Variants in SPATA1 observed in about 807,000 individuals in gnomAD.
The protein encoded by SPATA1 is spermatogenesis associated 1.
Under a neutral mutation model 59.6 loss-of-function variants are expected in SPATA1, and 57 were observed. The observed-to-expected ratio is 0.96, with a 90% confidence interval of 0.77 to 1.19. The LOEUF (loss-of-function observed/expected upper bound fraction) is 1.19. Among genes scored for constraint, SPATA1 ranks in the 50% most tolerant of loss-of-function variants. SPATA1 has a pLI of 0.00. For synonymous variants in SPATA1, 147 were observed against 163.9 expected (o/e 0.90, Z 0.79); for missense variants, 448 against 480.7 (o/e 0.93, Z 0.64).
chr1:84,509,451 A>G (rs956713643), intron 1 of SPATA1, among the ~76,000 whole-genome samples: 4 of 152,250 alleles, frequency 2.6e-5, no homozygotes, highest in Non-Finnish European at 5.9e-5. Context: ...TAAGACCTCA[A>G]ACTATGAAAC....
chr1:84,540,591 G>T (rs907208472), intron 8 of SPATA1, among the ~76,000 whole-genome samples: 15 of 152,110 alleles, frequency 9.9e-5, no homozygotes, highest in Admixed American at 2.6e-4. Context: ...TGTTCACGTA[G>T]TCTTATACCC....
intron 8 of SPATA1, among the ~76,000 whole-genome samples, chr1:84,540,669 A>G (rs7516200): frequency 0.4 from 60,986 of 152,070 alleles, 14,784 homozygotes; most frequent in African/African-American, 0.68. Flanking sequence ...TTATTTTGCA[A>G]AAGATTTTTC....
At chr1:84,529,412 C>G (rs1386118870) in intron 6 of SPATA1, among the ~76,000 whole-genome samples, 1 of 151,954 alleles carries the variant, frequency 6.6e-6, no homozygotes, top group African/African-American at 2.4e-5. Context: ...AAATTAATAA[C>G]TGTCTTAACA....
At chr1:84,557,707 A>C (rs1475009087), downstream of SPATA1, among the ~76,000 whole-genome samples, 2 of 151,164 alleles carry the variant, frequency 1.3e-5, no homozygotes, top group Admixed American at 6.6e-5. Flanking sequence ...AATACAAAAA[A>C]ATTAGCCAGG....
intron 1 of SPATA1, among the ~76,000 whole-genome samples, chr1:84,508,001 G>A (rs1340679450): frequency 6.6e-6 from 1 of 152,104 alleles, no homozygotes. Flanking sequence ...AAACATTGAG[G>A]CCTGGTATGG....
chr1:84,513,631 C>T (rs974295527), intron 1 of SPATA1, among the ~76,000 whole-genome samples: 1 of 152,136 alleles, frequency 6.6e-6, no homozygotes, highest in African/African-American at 2.4e-5. Flanking sequence ...AGAGACCAGC[C>T]CCAAGAATTC....
chr1:84,517,691 CA>C (rs762535844), intron 2 of SPATA1, among the ~76,000 whole-genome samples: 2 of 151,910 alleles, frequency 1.3e-5, no homozygotes, highest in African/African-American at 2.4e-5. Context: ...ACTCCACTTC[CA>C]ATAGATTGAC....
At chr1:84,535,307 T>G (rs920707688) in intron 8 of SPATA1, among the ~76,000 whole-genome samples, 3 of 152,096 alleles carry the variant, frequency 2.0e-5, no homozygotes, top group Non-Finnish European at 4.4e-5. Flanking sequence ...TTCAAGATCA[T>G]TTTGGTGATT....
At chr1:84,556,897 C>A (rs1399926114), downstream of SPATA1, among the ~76,000 whole-genome samples, 1 of 152,066 alleles carries the variant, frequency 6.6e-6, no homozygotes, top group Non-Finnish European at 1.5e-5. Flanking sequence ...AGTTGTGATT[C>A]ATTATTAAAA....
At chr1:84,526,970 GA>G (rs989829752) in intron 6 of SPATA1, among the ~76,000 whole-genome samples, 4 of 144,860 alleles carry the variant, frequency 2.8e-5, no homozygotes, top group Non-Finnish European at 4.5e-5. Context: ...GAATCAATAG[GA>G]AAAAAAGATA....
intron 1 of SPATA1, among the ~76,000 whole-genome samples, chr1:84,508,033 G>T (rs1050975217): frequency 6.6e-6 from 1 of 152,162 alleles, no homozygotes; most frequent in African/African-American, 2.4e-5. Flanking sequence ...TGTAATCCCA[G>T]CACTTTAGCA....
At chr1:84,534,945 C>T (rs1487262234) in intron 8 of SPATA1, among the ~76,000 whole-genome samples, 1 of 152,124 alleles carries the variant, frequency 6.6e-6, no homozygotes, top group African/African-American at 2.4e-5. Context: ...ACCTTCTCCT[C>T]AGACAATCAA....
At chr1:84,534,373 C>T (rs1379551403) in intron 8 of SPATA1, among the ~76,000 whole-genome samples, 1 of 152,036 alleles carries the variant, frequency 6.6e-6, no homozygotes, top group Admixed American at 6.5e-5. Flanking sequence ...TGAGTATCAA[C>T]TACCAGGCAT....
chr1:84,538,918 G>A (rs1241463092), intron 8 of SPATA1, among the ~76,000 whole-genome samples: 1 of 152,118 alleles, frequency 6.6e-6, no homozygotes, highest in African/African-American at 2.4e-5. Flanking sequence ...TCCCACCTTA[G>A]CCTCCTGAGT....
chr1:84,544,879 T>C (rs1684033680), intron 9 of SPATA1, among the ~76,000 whole-genome samples: 1 of 151,920 alleles, frequency 6.6e-6, no homozygotes, highest in Admixed American at 6.6e-5. Context: ...TTATATTTAT[T>C]ACTACATATG....
At chr1:84,519,172 A>C (rs1682917275) in intron 2 of SPATA1, among the ~76,000 whole-genome samples, 1 of 152,016 alleles carries the variant, frequency 6.6e-6, no homozygotes, top group Non-Finnish European at 1.5e-5. Context: ...ACAGGATCCA[A>C]CAGTGCCATC....
At chr1:84,545,224 T>A (rs189770817) in intron 9 of SPATA1, among the ~76,000 whole-genome samples, 1,915 of 145,872 alleles carry the variant, frequency 0.013, 33 homozygotes, top group African/African-American at 0.045. Context: ...CTCAAAAAAA[T>A]ATATATATAT....
intron 2 of SPATA1, among the ~76,000 whole-genome samples, chr1:84,519,259 G>A (rs529359438): frequency 3.3e-5 from 5 of 152,122 alleles, no homozygotes; most frequent in African/African-American, 1.2e-4. Flanking sequence ...ATAGCTAATG[G>A]TTTTAATGAA....
chr1:84,551,928 G>C (rs1331721197), intron 12 of SPATA1: 2 of 151,972 alleles, frequency 1.3e-5, no homozygotes, highest in African/African-American at 4.8e-5. Context: ...CACATTACTT[G>C]TAATCTTTGT....
Sources: allele counts gnomAD v4.1 joint callset (sites outside exome capture counted in the v4.1 genomes callset), GRCh38; gene constraint gnomAD v4.1.1; transcripts MANE v1.5; gene names NCBI Gene and HGNC (gene_info 2026-07-23, HGNC 2026-07-21).